GBF1: variants seen among roughly 807,000 people sequenced by gnomAD.
GBF1 encodes golgi brefeldin A resistant guanine nucleotide exchange factor 1, also known as Golgi-specific brefeldin A-resistance guanine nucleotide exchange factor 1.
In GBF1, 114 loss-of-function variants were observed where a neutral mutation model predicts 210.5. The ratio of observed to expected loss-of-function variants is 0.54; its 90% CI spans 0.47 to 0.63. The LOEUF is 0.63. Ranked by LOEUF, GBF1 falls within the 30% of genes least tolerant of loss-of-function variation. GBF1 has a pLI of 0.00. For missense variants in GBF1, 1,851 were observed against 2,357.7 expected (o/e 0.79, Z 4.45); for synonymous variants, 850 against 889.2 (o/e 0.96, Z 0.78).
intron 29 of GBF1, among the ~76,000 whole-genome samples, chr10:102,371,282 A>G (rs768807691): frequency 2.0e-5 from 3 of 152,262 alleles, no homozygotes; most frequent in East Asian, 1.9e-4. Flanking sequence ...CATGCTAACA[A>G]TGAACAATAT....
chr10:102,361,929 CTG>C lies in GBF1; in HGVS notation c.1686+18_1686+19del. Reference sequence around the variant, plus strand: ...CTGTCCAAGGTGCTGAGCACTATAACTGGCTTCTAGGAAAAAACGCATTATAA... The same window carrying C: ...CTGTCCAAGGTGCTGAGCACTATAACGCTTCTAGGAAAAAACGCATTATAA... On this transcript the variant is annotated intron_variant, in intron 14 of 39. Coordinates refer to ENST00000369983, the MANE Select transcript of GBF1 (RefSeq NM_001377137.1). 1 of 1,526,226 alleles carries C rather than the reference CTG, an allele frequency of 6.6e-7. No homozygotes were observed. The highest frequency in any genetic ancestry group is 8.8e-7 in the Non-Finnish European group (1 of 1,130,008). The allele number at this position is 1,526,226 out of a possible 1,614,324, so 94.5% of individuals were successfully genotyped here.
chr10:102,270,816 A>G (rs2074332124), intron 3 of GBF1, among the ~76,000 whole-genome samples: 1 of 152,144 alleles, frequency 6.6e-6, no homozygotes, highest in South Asian at 2.1e-4. Context: ...CCAAAATCCA[A>G]GCACAATTCT....
intron 3 of GBF1, among the ~76,000 whole-genome samples, chr10:102,318,710 G>T (rs1449398512): frequency 6.6e-6 from 1 of 151,878 alleles, no homozygotes; most frequent in African/African-American, 2.4e-5. Context: ...AACTCTTTTA[G>T]CTGTTTATTC....
intron 3 of GBF1, among the ~76,000 whole-genome samples, chr10:102,293,138 A>C (rs560350999): frequency 2.6e-5 from 4 of 152,336 alleles, no homozygotes; most frequent in African/African-American, 9.6e-5. Flanking sequence ...AAGATGCATC[A>C]GTGTACAGTC....
At chr10:102,304,256 C>T (rs2077644281) in intron 3 of GBF1, among the ~76,000 whole-genome samples, 1 of 152,084 alleles carries the variant, frequency 6.6e-6, no homozygotes, top group Non-Finnish European at 1.5e-5. Flanking sequence ...TGAATACTTA[C>T]TTGTTTTATA....
rs181159756 is a variant in GBF1, at chr10:102,267,796, G to T, written c.163+7680G>T. 2.1e-3 allele frequency among the ~76,000 whole-genome samples: 320 copies of T among 152,268 alleles called. 1 individual carries two copies. The highest frequency in any genetic ancestry group is 4.0e-3 in the Non-Finnish European group (275 of 68,018). On this transcript the variant is annotated intron_variant, in intron 3 of 39. Coordinates refer to ENST00000369983, the MANE Select transcript of GBF1 (RefSeq NM_001377137.1). The stretch of plus-strand genomic sequence containing the variant: ...TGTGAAGGGCTGAGTGTTAGGAAAG[G>T]CAATGGGCACACTTAAAAGTATCCA...
intron 3 of GBF1, among the ~76,000 whole-genome samples, chr10:102,342,248 A>G (rs1043212658): frequency 1.3e-5 from 2 of 152,036 alleles, no homozygotes; most frequent in African/African-American, 4.8e-5. Flanking sequence ...CATGTTAGCC[A>G]GGATGGTCTC....
chr10:102,231,675 C>G, the GBF1 span: 1 of 1,612,358 alleles, frequency 6.2e-7, no homozygotes. Flanking sequence ...GGAAGGTCGC[C>G]TCTAGCTCCT....
At chr10:102,335,090 C>G (rs2057633913) in intron 3 of GBF1, among the ~76,000 whole-genome samples, 1 of 151,950 alleles carries the variant, frequency 6.6e-6, no homozygotes, top group African/African-American at 2.4e-5. Flanking sequence ...GTTGAAGTGA[C>G]TCATGAGCCT....
chr10:102,353,726 C>A (rs2059135575), intron 8 of GBF1, 72 bp downstream of exon 8: 4 of 1,075,912 alleles, frequency 3.7e-6, no homozygotes, highest in Non-Finnish European at 4.3e-6. Flanking sequence ...CTTGGGGTAA[C>A]CTTGCTTAGC....
chr10:102,252,690 C>G (rs1356063480), intron 1 of GBF1, among the ~76,000 whole-genome samples: 1 of 151,730 alleles, frequency 6.6e-6, no homozygotes. Flanking sequence ...ACAAAAAATA[C>G]AAAAAAATTA....
At chr10:102,376,108 A>G (rs1589826565) in intron 30 of GBF1, among the ~76,000 whole-genome samples, 164 bp from the exon 31 acceptor site, 1 of 151,872 alleles carries the variant, frequency 6.6e-6, no homozygotes, top group Non-Finnish European at 1.5e-5. Context: ...TGGTCAACAG[A>G]GAAACTGTTC....
At chr10:102,307,073 G>A (rs563360920) in intron 3 of GBF1, among the ~76,000 whole-genome samples, 1 of 152,296 alleles carries the variant, frequency 6.6e-6, no homozygotes, top group Admixed American at 6.5e-5. Context: ...AGGTGGAAAA[G>A]GATTCTATTC....
chr10:102,340,902 AT>A (rs1339683868), intron 3 of GBF1, among the ~76,000 whole-genome samples: 1 of 152,232 alleles, frequency 6.6e-6, no homozygotes, highest in Non-Finnish European at 1.5e-5. Flanking sequence ...GTGACTTGGA[AT>A]TAGGCAGAGT....
rs974672087 is a variant in GBF1, at chr10:102,353,661, T to C, written c.639+7T>C. On this transcript the variant is annotated splice_region_variant and intron_variant, in intron 8 of 39. Transcript: ENST00000369983. ...GGGGACCAACATGAAGAAGGTATGA[T>C]CTGAGAGCTGATCTGCTGTCCCTCA... is the stretch of plus-strand genomic sequence containing the variant. 6 of 1,601,866 alleles carry C rather than the reference T, an allele frequency of 3.7e-6. No individual in the cohort carries two copies. The East Asian group carries it at 6.7e-5, about 18-fold the overall frequency.
At chr10:102,337,502 A>G (rs1232676548) in intron 3 of GBF1, among the ~76,000 whole-genome samples, 1 of 152,164 alleles carries the variant, frequency 6.6e-6, no homozygotes, top group East Asian at 1.9e-4. Flanking sequence ...TATAAATTCA[A>G]ATTTGTTTGT....
At chr10:102,231,161 G>T in the GBF1 span, 1 of 1,432,394 alleles carries the variant, frequency 7.0e-7, no homozygotes, top group South Asian at 1.5e-5. Flanking sequence ...GCTGAAGGGC[G>T]GGCCACCCCG....
intron 2 of GBF1, among the ~76,000 whole-genome samples, chr10:102,259,764 T>C (rs1159979206): frequency 1.4e-4 from 21 of 152,186 alleles, no homozygotes; most frequent in Non-Finnish European, 8.8e-5. Flanking sequence ...GAAGACAGAA[T>C]AATACACATA....
At position 102,377,144 on chromosome 10, in the gene GBF1, A is replaced by G. The variant is rs2060549013; in HGVS notation, c.4494+4A>G. 6.2e-7 allele frequency: 1 copy of G among 1,609,096 alleles called. No homozygotes were observed. Among genetic ancestry groups the G allele is most frequent in the East Asian group, 2.2e-5 (1 of 44,774 alleles). On this transcript the variant is annotated splice_donor_region_variant and intron_variant, in intron 33 of 39. Transcript: ENST00000369983. The stretch of plus-strand genomic sequence containing the variant: ...GTCTTTACAGGTCAGTCAGGACGTA[A>G]GTATGGCACCCTTTACTTCCTCTCC...
Sources: gnomAD v4.1 joint callset for allele counts (sites outside exome capture counted in the v4.1 genomes callset) on GRCh38, gnomAD v4.1.1 for gene constraint, MANE v1.5 for transcripts, NCBI Gene and HGNC (gene_info 2026-07-23, HGNC 2026-07-21) for gene names.